Variants in ERN1 observed in about 807,000 individuals in gnomAD.
ERN1 encodes serine/threonine-protein kinase/endoribonuclease IRE1.
In ERN1, 39 loss-of-function variants were observed where a neutral mutation model predicts 113.1. The ratio of observed to expected loss-of-function variants is 0.34; its 90% CI spans 0.27 to 0.45. ERN1 has a LOEUF of 0.45. Among genes scored for constraint, ERN1 ranks in the 20% least tolerant of loss-of-function variants. The pLI is 1.00. For missense variants in ERN1, 976 were observed against 1,274.8 expected (o/e 0.77, Z 3.57); for synonymous variants, 507 against 515.9 (o/e 0.98, Z 0.23).
intron 17 of ERN1, among the ~76,000 whole-genome samples, chr17:64,050,231 A>G (rs933236168): frequency 2.6e-5 from 4 of 152,126 alleles, no homozygotes; most frequent in African/African-American, 9.7e-5. Context: ...GATTCGGGAC[A>G]GGAGGAACAT....
At chr17:64,093,719 T>C (rs1016298538) in intron 2 of ERN1, among the ~76,000 whole-genome samples, 8 of 152,098 alleles carry the variant, frequency 5.3e-5, no homozygotes, top group African/African-American at 1.9e-4. Flanking sequence ...CAAAGTACCA[T>C]CACACTGAGG....
chr17:64,069,828 G>T (rs1913353849), intron 6 of ERN1, among the ~76,000 whole-genome samples: 1 of 152,142 alleles, frequency 6.6e-6, no homozygotes. Context: ...TGCAGATAAT[G>T]AGAGGTGAGA....
intron 13 of ERN1, 46 bp downstream of exon 13, chr17:64,055,629 G>A (rs746108241): frequency 2.6e-6 from 4 of 1,509,938 alleles, no homozygotes; most frequent in East Asian, 4.6e-5. Context: ...CTCAGGAGGT[G>A]CTCGAATAAA....
chr17:64,128,161 ATTTTTTTTTT>A (rs760752335), intron 1 of ERN1, among the ~76,000 whole-genome samples: 3 of 126,400 alleles, frequency 2.4e-5, no homozygotes, highest in Non-Finnish European at 4.9e-5. Flanking sequence ...CGCCCGGCTA[ATTTTTTTTTT>A]TTTTTTTTTT....
chr17:64,090,265 C>A (rs1201690848), intron 2 of ERN1, among the ~76,000 whole-genome samples: 2 of 152,152 alleles, frequency 1.3e-5, no homozygotes, highest in East Asian at 1.9e-4. Flanking sequence ...TTGGAGGTAA[C>A]CTCCATAAGT....
intron 1 of ERN1, among the ~76,000 whole-genome samples, chr17:64,107,744 T>A (rs73992931): frequency 0.05 from 7,631 of 152,196 alleles, 624 homozygotes; most frequent in African/African-American, 0.18. Context: ...GAGTAACAAA[T>A]ATTTCACTAC....
intron 2 of ERN1, among the ~76,000 whole-genome samples, chr17:64,089,816 T>C (rs1914039508): frequency 6.6e-6 from 1 of 152,158 alleles, no homozygotes; most frequent in African/African-American, 2.4e-5. Flanking sequence ...ATTTTAACCC[T>C]GGCTGACAGG....
Position 64,064,168 on chromosome 17 carries a change from G to GT in ERN1, c.922-18dup, listed in dbSNP as rs1393460597. ...GCCGCGGGGCTGTGGAGAGGGTGCAGTGAGGGTCAGGAGCCCTGGAGGGAG... is the reference window on the plus strand; with the variant it reads ...GCCGCGGGGCTGTGGAGAGGGTGCAGTTGAGGGTCAGGAGCCCTGGAGGGAG... On this transcript the variant is annotated splice_polypyrimidine_tract_variant and intron_variant, in intron 9 of 21. Transcript: ENST00000433197. The GT allele has an allele frequency of 4.4e-6, 7 of 1,575,240 alleles. No individual in the cohort carries two copies. The Admixed American group carries it at 5.6e-5, about 13-fold the overall frequency.
chr17:64,075,214 C>A lies in ERN1; in HGVS notation c.316G>T (p.Ala106Ser). 2.7e-6 allele frequency: 4 copies of A among 1,508,498 alleles called. No homozygotes were observed. The highest frequency in any genetic ancestry group is 3.5e-6 in the Non-Finnish European group (4 of 1,131,198). 93.4% of individuals were successfully genotyped at this position (1,508,498 alleles called of 1,614,324 possible). A position where few individuals can be genotyped will look rare whatever the true frequency, so the allele number is the denominator to read the frequency against. The part of the protein sequence containing the change: ...LPFTIPELVQ[A>S]SPCRSSDGIL... ...CCATCTGAACTTCGGCATGGGGATG[C>A]CTGCACCAATTCTGGGATGGTAAAA... The change falls in exon 5 of 22, where the codon GCA becomes TCA. Residue 106 changes from alanine to serine, a missense_variant. By Grantham distance (99) the Ala-to-Ser change is moderately conservative (BLOSUM62 1). Coordinates refer to ENST00000433197, the MANE Select transcript of ERN1 (RefSeq NM_001433.5).
In ERN1 at chr17:64,054,455, T is replaced by A. The variant is rs199625665; in HGVS notation, c.1764-16A>T. 12 of 1,547,430 alleles carry A rather than the reference T, an allele frequency of 7.8e-6. No homozygotes were observed. The East Asian group carries it at 2.9e-4, about 38-fold the overall frequency. On this transcript the variant is annotated splice_polypyrimidine_tract_variant and intron_variant, in intron 14 of 21. Transcript: ENST00000433197. This position sits in a 1 kb window ranked among gnomAD's most constrained non-coding sequence, Gnocchi z 4.9. ...AAACATGCCCCTGCGGGATGAGGAG[T>A]GGGAGTTGTGTCTGGGAAGCACGAG...
chr17:64,044,222 G>C lies in ERN1; in HGVS notation c.2722-22C>G. The C allele has an allele frequency of 6.8e-7, 1 of 1,476,706 alleles. No homozygotes were observed. The highest frequency in any genetic ancestry group is 9.0e-7 in the Non-Finnish European group (1 of 1,105,822). The allele number at this position is 1,476,706 out of a possible 1,614,324, so 91.5% of individuals were successfully genotyped here. ...GCTTCTGCAAAGAGTTAGAAAGCTC[G>C]GGAGATTAGAAAGGGGTTAGAAAGC... On this transcript the variant is annotated intron_variant, in intron 21 of 21. Coordinates refer to ENST00000433197, the MANE Select transcript of ERN1 (RefSeq NM_001433.5). The surrounding 1 kb of genome is among the most constrained non-coding windows in gnomAD (Gnocchi z 4.1).
chr17:64,044,714 G>A lies in ERN1; in HGVS notation c.2721+146C>T, dbSNP rs1912458223. The A allele has an allele frequency of 1.6e-6, 1 of 624,406 alleles. No homozygotes were observed. The highest frequency in any genetic ancestry group is 2.9e-6 in the Non-Finnish European group (1 of 350,350). The allele number at this position is 624,406 out of a possible 1,614,324, so 38.7% of individuals were successfully genotyped here. A position where few individuals can be genotyped will look rare whatever the true frequency, so the allele number is the denominator to read the frequency against. ...AGCGTAAGAGAGGCAACAGCCTGCA[G>A]TTTGCCAAGTCCAGCTGAAGCCGCC... On this transcript the variant is annotated intron_variant, in intron 21 of 21. Transcript: ENST00000433197. This position sits in a 1 kb window ranked among gnomAD's most constrained non-coding sequence, Gnocchi z 4.1.
intron 1 of ERN1, among the ~76,000 whole-genome samples, chr17:64,104,308 G>A (rs921669954): frequency 6.6e-6 from 1 of 152,174 alleles, no homozygotes; most frequent in Non-Finnish European, 1.5e-5. Flanking sequence ...TATCACTGAA[G>A]TTTTGGTTTG....
At chr17:64,090,692 T>G (rs149680837) in intron 2 of ERN1, among the ~76,000 whole-genome samples, 8 of 152,206 alleles carry the variant, frequency 5.3e-5, no homozygotes, top group African/African-American at 1.9e-4. Context: ...TCCACGCTAC[T>G]ACGTGTGTGG....
intron 17 of ERN1, among the ~76,000 whole-genome samples, chr17:64,050,875 A>T (rs1350082592): frequency 6.6e-6 from 1 of 152,192 alleles, no homozygotes; most frequent in Non-Finnish European, 1.5e-5. Context: ...GCTGGTCCCC[A>T]GTGAGCTGGA....
intron 1 of ERN1, among the ~76,000 whole-genome samples, chr17:64,125,484 T>G (rs545049037): frequency 2.6e-5 from 4 of 152,052 alleles, no homozygotes; most frequent in Non-Finnish European, 5.9e-5. Flanking sequence ...GCTCAATGTT[T>G]TTTGTTTTTT....
At chr17:64,117,523 C>T (rs1414839230) in intron 1 of ERN1, among the ~76,000 whole-genome samples, 1 of 151,792 alleles carries the variant, frequency 6.6e-6, no homozygotes, top group African/African-American at 2.4e-5. Flanking sequence ...ACGCTCAGTC[C>T]CTCATATTTG....
chr17:64,070,219 A>G (rs1050632215), intron 6 of ERN1, among the ~76,000 whole-genome samples: 27 of 152,212 alleles, frequency 1.8e-4, no homozygotes, highest in African/African-American at 6.3e-4. Flanking sequence ...TCTCAGATAC[A>G]TGAGTGAGGC....
In ERN1 at chr17:64,130,021, G is replaced by A. The variant is rs1186144879; in HGVS notation, c.9C>T (p.Ala3=). ...GCGTCAGCAGCAGCAGCAGCCGCCG[G>A]GCCGGCATGGCGAGGACTCGGCCCT... is the stretch of plus-strand genomic sequence containing the variant. MP[A]RRLLLLLTLL... is the part of the protein sequence containing the mutation. Residue 3 remains alanine (A), a synonymous_variant, in exon 1 of 22, where the codon GCC becomes GCT. Transcript: ENST00000433197. The surrounding 1 kb of genome is among the most constrained non-coding windows in gnomAD (Gnocchi z 4.0). 7.0e-7 allele frequency: 1 copy of A among 1,431,358 alleles called. No individual in the cohort carries two copies. Among genetic ancestry groups the A allele is most frequent in the Non-Finnish European group, 9.1e-7 (1 of 1,098,828 alleles). The allele number at this position is 1,431,358 out of a possible 1,614,324, so 88.7% of individuals were successfully genotyped here.
Sources: gnomAD v4.1 joint callset for allele counts (sites outside exome capture counted in the v4.1 genomes callset) on GRCh38, gnomAD v4.1.1 for gene constraint, Gnocchi (gnomAD v3.1) non-coding constraint, MANE v1.5 for transcripts, NCBI Gene and HGNC (gene_info 2026-07-23, HGNC 2026-07-21) for gene names.